Variants in ARF4 observed in about 807,000 individuals in gnomAD.
ARF4 encodes the protein ARF GTPase 4.
In ARF4, 5 loss-of-function variants were observed where a neutral mutation model predicts 24.3. That is an observed-to-expected ratio of 0.21 (90% CI 0.11 to 0.43). ARF4 has a LOEUF of 0.43. ARF4 is among the 20% of genes least tolerant of loss of function. The pLI is 1.00. For synonymous variants in ARF4, 62 were observed against 73.5 expected (o/e 0.84, Z 0.80); for missense variants, 107 against 213.0 (o/e 0.50, Z 3.10).
At chr3:57,585,815 ACC>A (rs2070029664) in intron 1 of ARF4, among the ~76,000 whole-genome samples, 1 of 152,000 alleles carries the variant, frequency 6.6e-6, no homozygotes, top group African/African-American at 2.4e-5. Flanking sequence ...GGTGCGTGCC[ACC>A]ACACCCCAGC....
At chr3:57,589,111 A>G (rs1439053215) in intron 1 of ARF4, among the ~76,000 whole-genome samples, 3 of 151,908 alleles carry the variant, frequency 2.0e-5, no homozygotes, top group Non-Finnish European at 4.4e-5. Flanking sequence ...TCAAAAAAAA[A>G]AAAAAATTAG....
At chr3:57,583,242 T>C (rs1449613818) in intron 3 of ARF4, among the ~76,000 whole-genome samples, 1 of 152,140 alleles carries the variant, frequency 6.6e-6, no homozygotes, top group Non-Finnish European at 1.5e-5. Flanking sequence ...ACCCAGGTGA[T>C]TGATATGCAT....
At position 57,596,772 on chromosome 3, in the gene ARF4, G is replaced by A. The variant is rs553846422; in HGVS notation, c.67+302C>T. On this transcript the variant is annotated intron_variant, in intron 1 of 5. Coordinates refer to ENST00000303436, the MANE Select transcript of ARF4 (RefSeq NM_001660.4). ...CGCCAAGTGTTTGCTTCCCAGAGTT[G>A]GCTTTCCCCACATCTCTGCCCAATG... is the stretch of plus-strand genomic sequence containing the variant. 78 of 319,716 alleles carry A rather than the reference G, an allele frequency of 2.4e-4. 1 individual carries two copies. Among genetic ancestry groups the A allele is most frequent in the South Asian group, 2.3e-3 (62 of 26,904 alleles). The allele number at this position is 319,716 out of a possible 1,614,324, so 19.8% of individuals were successfully genotyped here.
chr3:57,574,786 TAGTG>T (rs1312538440), intron 5 of ARF4, among the ~76,000 whole-genome samples: 1 of 152,004 alleles, frequency 6.6e-6, no homozygotes, highest in African/African-American at 2.4e-5. Context: ...TAGGCTGAGA[TAGTG>T]AGAGGATTGC....
At chr3:57,575,057 TC>T (rs2069887062) in intron 5 of ARF4, among the ~76,000 whole-genome samples, 1 of 151,674 alleles carries the variant, frequency 6.6e-6, no homozygotes, top group East Asian at 2.0e-4. Flanking sequence ...CCCTGGTTGG[TC>T]CGGCTGGTCT....
rs115994232 is a variant in ARF4 at position 57,593,423 on chromosome 3, T to C, written c.67+3651A>G. On this transcript the variant is annotated intron_variant, in intron 1 of 5. Transcript: ENST00000303436. ...GAAACAAATATAAAACACCACTCTTTAGCTTGGTAATATTTTTTAAAGTGA... is the reference window on the plus strand; with the variant it reads ...GAAACAAATATAAAACACCACTCTTCAGCTTGGTAATATTTTTTAAAGTGA... 4.9e-3 allele frequency among the ~76,000 whole-genome samples: 740 copies of C among 152,280 alleles called. 5 individuals are homozygous for C. Among genetic ancestry groups the C allele is most frequent in the African/African-American group, 0.017 (704 of 41,540 alleles).
At chr3:57,591,472 T>C in intron 1 of ARF4, among the ~76,000 whole-genome samples, 1 of 100,748 alleles carries the variant, frequency 9.9e-6, no homozygotes, top group Non-Finnish European at 2.3e-5. Flanking sequence ...TTTTCTTTTC[T>C]TTTTTTTTTT....
At chr3:57,587,771 G>A (rs574727524) in intron 1 of ARF4, among the ~76,000 whole-genome samples, 337 of 152,036 alleles carry the variant, frequency 2.2e-3, no homozygotes, top group Non-Finnish European at 3.7e-3. Flanking sequence ...AAAATAATGC[G>A]CCCATAATGA....
At chr3:57,597,045 T>C in intron 1 of ARF4, 29 bp downstream of exon 1, 1 of 1,610,910 alleles carries the variant, frequency 6.2e-7, no homozygotes, top group South Asian at 1.1e-5. Flanking sequence ...CTTTCCCAGG[T>C]CCCGCCTGAC....
chr3:57,575,607 C>T lies in ARF4; in HGVS notation c.397G>A (p.Ala133Thr). 6.2e-7 allele frequency: 1 copy of T among 1,613,692 alleles called. No homozygotes were observed. The highest frequency in any genetic ancestry group is 8.5e-7 in the Non-Finnish European group (1 of 1,179,850). The change falls in exon 5 of 6, where the codon GCT becomes ACT. Residue 133 changes from alanine (A) to threonine (T), a missense_variant. Ala to Thr is a moderately conservative substitution (Grantham distance 58). Coordinates refer to ENST00000303436, the MANE Select transcript of ARF4 (RefSeq NM_001660.4). ...TCTGTCATTTCACTGATGGCCATAG[C>T]ATTTGGCAAATCCTGTTTGTTTGCA... Reference protein sequence around the residue: ...LFANKQDLPNAMAISEMTDKL... With the variant: ...LFANKQDLPNTMAISEMTDKL...
At chr3:57,592,683 T>A (rs2070129290) in intron 1 of ARF4, among the ~76,000 whole-genome samples, 1 of 152,114 alleles carries the variant, frequency 6.6e-6, no homozygotes, top group South Asian at 2.1e-4. Flanking sequence ...TGCAAAAGGG[T>A]GCATCTAAGG....
At chr3:57,578,592 G>A (rs1055045036) in intron 3 of ARF4, among the ~76,000 whole-genome samples, 4 of 151,972 alleles carry the variant, frequency 2.6e-5, no homozygotes, top group African/African-American at 4.8e-5. Flanking sequence ...TGATCCTCCC[G>A]CCTCAGCCTC....
At chr3:57,587,820 A>G (rs1360962529) in intron 1 of ARF4, among the ~76,000 whole-genome samples, 1 of 152,232 alleles carries the variant, frequency 6.6e-6, no homozygotes, top group Admixed American at 6.5e-5. Context: ...AATATAAATT[A>G]CAAGACAACA....
At chr3:57,592,605 A>G (rs1442997752) in intron 1 of ARF4, among the ~76,000 whole-genome samples, 2 of 152,186 alleles carry the variant, frequency 1.3e-5, no homozygotes, top group Non-Finnish European at 2.9e-5. Flanking sequence ...AGAAACATCT[A>G]CATTTTTATC....
At chr3:57,596,696 T>A (rs2070189407) in intron 1 of ARF4, 1 of 220,052 alleles carries the variant, frequency 4.5e-6, no homozygotes, top group South Asian at 5.5e-5. Context: ...TCCTGACCGC[T>A]GTCCACACCC....
intron 1 of ARF4, among the ~76,000 whole-genome samples, chr3:57,590,244 T>C (rs2070095953): frequency 6.6e-6 from 1 of 152,048 alleles, no homozygotes; most frequent in African/African-American, 2.4e-5. Flanking sequence ...CCCAGCACTT[T>C]GGGAGGCTGA....
intron 5 of ARF4, among the ~76,000 whole-genome samples, chr3:57,574,869 A>C (rs2069884193): frequency 7.0e-6 from 1 of 142,518 alleles, no homozygotes; most frequent in Non-Finnish European, 1.5e-5. Flanking sequence ...TTTTTTTGAG[A>C]CCGAGTTTCG....
chr3:57,577,863 G>A (rs2069925149), intron 3 of ARF4, among the ~76,000 whole-genome samples: 1 of 151,954 alleles, frequency 6.6e-6, no homozygotes, highest in Non-Finnish European at 1.5e-5. Flanking sequence ...AGACCAGCCT[G>A]GGCAACATGG....
chr3:57,593,670 T>C (rs2070141432), intron 1 of ARF4, among the ~76,000 whole-genome samples: 1 of 152,230 alleles, frequency 6.6e-6, no homozygotes. Context: ...TTTTTGGATA[T>C]ATACATAATT....
Sources: gnomAD v4.1 joint callset for allele counts (sites outside exome capture counted in the v4.1 genomes callset) on GRCh38, gnomAD v4.1.1 for gene constraint, MANE v1.5 for transcripts, NCBI Gene and HGNC (gene_info 2026-07-23, HGNC 2026-07-21) for gene names.